Variants in OPCML observed in about 807,000 individuals in gnomAD.
The protein encoded by OPCML is opioid binding protein/cell adhesion molecule like, also known as opioid-binding protein/cell adhesion molecule.
In OPCML, 13 loss-of-function variants were observed where a neutral mutation model predicts 37.8. The ratio of observed to expected loss-of-function variants is 0.34; its 90% confidence interval spans 0.22 to 0.55. OPCML has a LOEUF of 0.55. Among genes scored for constraint, OPCML ranks in the 20% least tolerant of loss-of-function variants. The pLI is 0.91. For synonymous variants in OPCML, 176 were observed against 168.8 expected (o/e 1.04, Z -0.33); for missense variants, 341 against 435.6 (o/e 0.78, Z 1.93).
At chr11:132,876,323 A>G (rs1337263333) in intron 2 of OPCML, among the ~76,000 whole-genome samples, 2 of 152,340 alleles carry the variant, frequency 1.3e-5, no homozygotes, top group Admixed American at 6.5e-5. Flanking sequence ...CCTCTGAAGT[A>G]TCCTAGCAAC....
intron 1 of OPCML, among the ~76,000 whole-genome samples, chr11:133,041,576 T>C (rs1348492728): frequency 6.6e-6 from 1 of 152,204 alleles, no homozygotes; most frequent in Admixed American, 6.5e-5. Context: ...GCCTGGCCTC[T>C]TCTGGCAACT....
chr11:132,998,793 G>C (rs192420124), intron 1 of OPCML, among the ~76,000 whole-genome samples: 1 of 152,278 alleles, frequency 6.6e-6, no homozygotes, highest in East Asian at 1.9e-4. Context: ...TGAGAATAGT[G>C]ACAAAATGCC....
At chr11:132,430,838 C>G (rs369660413) in intron 7 of OPCML, among the ~76,000 whole-genome samples, 2 of 152,282 alleles carry the variant, frequency 1.3e-5, no homozygotes, top group East Asian at 3.9e-4. Context: ...CCTCATTAAG[C>G]ACGTCGCACT....
At chr11:133,053,426 C>T (rs11223340) in intron 1 of OPCML, among the ~76,000 whole-genome samples, 32,723 of 152,108 alleles carry the variant, frequency 0.22, 4,132 homozygotes, top group East Asian at 0.48. Flanking sequence ...CAAAGCTCTT[C>T]GTAAAAGATC....
At chr11:132,946,047 G>A (rs1254150596) in intron 1 of OPCML, among the ~76,000 whole-genome samples, 1 of 152,192 alleles carries the variant, frequency 6.6e-6, no homozygotes, top group South Asian at 2.1e-4. Context: ...CTCCCAAAGT[G>A]CTGGGATTAC....
intron 2 of OPCML, among the ~76,000 whole-genome samples, chr11:132,690,685 T>C (rs1358452980): frequency 6.6e-6 from 1 of 152,212 alleles, no homozygotes; most frequent in African/African-American, 2.4e-5. Flanking sequence ...TGTGTGCTCA[T>C]GCGTGTGTGC....
chr11:133,269,439 C>T (rs1447689511), intron 1 of OPCML, among the ~76,000 whole-genome samples: 2 of 152,192 alleles, frequency 1.3e-5, no homozygotes, highest in Admixed American at 6.5e-5. Context: ...GGGGATTTCA[C>T]GGACACCTTC....
At chr11:132,476,854 A>T (rs1349771058) in intron 4 of OPCML, among the ~76,000 whole-genome samples, 1 of 151,172 alleles carries the variant, frequency 6.6e-6, no homozygotes, top group Non-Finnish European at 1.5e-5. Flanking sequence ...AAAAAAATTA[A>T]AAAAAATTAA....
intron 1 of OPCML, among the ~76,000 whole-genome samples, chr11:133,492,415 A>T (rs1426602502): frequency 1.3e-5 from 2 of 151,972 alleles, no homozygotes; most frequent in Non-Finnish European, 2.9e-5. Context: ...CACTTTTTCT[A>T]CCCTTGATAA....
intron 1 of OPCML, among the ~76,000 whole-genome samples, chr11:132,972,324 C>T (rs1330947425): frequency 1.3e-5 from 2 of 152,200 alleles, no homozygotes; most frequent in Admixed American, 1.3e-4. Context: ...ACACTAAACA[C>T]CTCTCTGCTA....
chr11:132,419,633 T>C lies in OPCML; in HGVS notation c.*560A>G, dbSNP rs1288711296. On this transcript the variant is annotated 3_prime_UTR_variant, in exon 8 of 8. Transcript: ENST00000524381. ...AATCATCTATATTGAAATCTATAGATATGGATATAGTAGGATAGTGTCCCA... is the reference window on the plus strand; with the variant it reads ...AATCATCTATATTGAAATCTATAGACATGGATATAGTAGGATAGTGTCCCA... 1 of 152,452 alleles carries C rather than the reference T, an allele frequency of 6.6e-6. No homozygotes were observed. The highest frequency in any genetic ancestry group is 1.5e-5 in the Non-Finnish European group (1 of 68,326). 9.4% of individuals were successfully genotyped at this position (152,452 alleles called of 1,614,324 possible).
intron 1 of OPCML, chr11:133,064,562 C>T (rs1948408008): frequency 6.6e-6 from 1 of 152,304 alleles, no homozygotes; most frequent in Non-Finnish European, 1.5e-5. Context: ...TGCCCTTTCC[C>T]CACGGTAGAC....
intron 2 of OPCML, among the ~76,000 whole-genome samples, chr11:132,841,908 A>G (rs1276137276): frequency 2.0e-5 from 3 of 148,032 alleles, no homozygotes; most frequent in African/African-American, 7.4e-5. Context: ...TCCTTTTGAT[A>G]TAATAGTTTC....
chr11:133,503,698 G>A (rs765810682), intron 1 of OPCML, among the ~76,000 whole-genome samples: 5 of 152,192 alleles, frequency 3.3e-5, no homozygotes, highest in African/African-American at 4.8e-5. Flanking sequence ...GTCAGGCTGG[G>A]AGCTTTCCCA....
At chr11:133,017,949 G>T (rs2136893917) in intron 1 of OPCML, among the ~76,000 whole-genome samples, 1 of 152,288 alleles carries the variant, frequency 6.6e-6, no homozygotes, top group South Asian at 2.1e-4. Context: ...CAGCCCCCTT[G>T]CCTCCTGAGC....
chr11:132,485,063 TATAATAATAAAAAAATA>T (rs1040329504), intron 4 of OPCML, among the ~76,000 whole-genome samples: 10 of 151,228 alleles, frequency 6.6e-5, no homozygotes, highest in African/African-American at 2.4e-4. Flanking sequence ...AAACTTAAAG[TATAATAATAAAAAAATA>T]ATAATAATAA....
rs141558200 is a variant in OPCML at position 133,137,750 on chromosome 11, T to G, written c.62-194740A>C. 6.6e-3 allele frequency among the ~76,000 whole-genome samples: 1,004 copies of G among 152,318 alleles called. 11 individuals are homozygous for G. Among genetic ancestry groups the G allele is most frequent in the African/African-American group, 0.023 (942 of 41,564 alleles). ...AAAAAGAACCTAAAGGTTGTCATTG[T>G]TTCATATTCCTCCCCTTTCCATTTA... On this transcript the variant is annotated intron_variant, in intron 1 of 7. Coordinates refer to ENST00000524381, the MANE Select transcript of OPCML (RefSeq NM_001012393.5).
At chr11:133,110,274 G>A (rs188629678) in intron 1 of OPCML, among the ~76,000 whole-genome samples, 1 of 152,274 alleles carries the variant, frequency 6.6e-6, no homozygotes, top group African/African-American at 2.4e-5. Flanking sequence ...AGAATAATAA[G>A]TGCTCTTAAT....
At chr11:133,424,002 C>A (rs1428853466) in intron 1 of OPCML, among the ~76,000 whole-genome samples, 1 of 152,184 alleles carries the variant, frequency 6.6e-6, no homozygotes, top group East Asian at 1.9e-4. Context: ...TCCTGTATAA[C>A]CATGAGCTAA....
Sources: allele counts gnomAD v4.1 joint callset (sites outside exome capture counted in the v4.1 genomes callset), GRCh38; gene constraint gnomAD v4.1.1; transcripts MANE v1.5; gene names NCBI Gene and HGNC (gene_info 2026-07-23, HGNC 2026-07-21).